Variants in NPAS3 observed in about 807,000 individuals in gnomAD.
NPAS3 encodes the protein neuronal PAS domain protein 3.
NPAS3 carries 14 observed loss-of-function variants against 73.1 expected under a neutral mutation model. The observed-to-expected ratio is 0.19, with a 90% CI of 0.13 to 0.30. The LOEUF (loss-of-function observed/expected upper bound fraction) is 0.30, where lower values mean the gene tolerates loss of function less well. Among genes scored for constraint, NPAS3 ranks in the 10% least tolerant of loss-of-function variants. The pLI, the probability that NPAS3 is intolerant of heterozygous loss-of-function variation, is 1.00. For missense variants in NPAS3, 1,096 were observed against 1,250.0 expected, an observed-to-expected ratio of 0.88 and a Z score of 1.86; for synonymous variants, 620 against 541.5, an observed-to-expected ratio of 1.14 and a Z score of -2.01.
At chr14:33,147,730 A>AAAAAATATATAT (rs372663411) in intron 2 of NPAS3, among the ~76,000 whole-genome samples, 167 of 130,344 alleles carry the variant, frequency 1.3e-3, no homozygotes, top group African/African-American at 5.1e-3. Flanking sequence ...TAGAATAAAA[A>AAAAAATATATAT]ATATATATAT....
chr14:33,347,383 C>G, intron 3 of NPAS3, among the ~76,000 whole-genome samples: 1 of 152,166 alleles, frequency 6.6e-6, no homozygotes, highest in East Asian at 1.9e-4. Flanking sequence ...GAATAGTCAT[C>G]ACAAATTAAA....
At chr14:33,390,359 G>A (rs1195513279) in intron 4 of NPAS3, among the ~76,000 whole-genome samples, 1 of 152,166 alleles carries the variant, frequency 6.6e-6, no homozygotes, top group African/African-American at 2.4e-5. Flanking sequence ...AAAAACAGCA[G>A]TCTGAGAGAA....
At chr14:32,938,457 A>AAGAGAGAGAGAGAGAGAGAGAG (rs139406191), upstream of NPAS3, among the ~76,000 whole-genome samples, 1 of 68,634 alleles carries the variant, frequency 1.5e-5, no homozygotes, top group African/African-American at 6.6e-5. Flanking sequence ...CCCAACGAGA[A>AAGAGAGAGAGAGAGAGAGAGAG]AGAGAGAGAG....
chr14:33,280,818 T>C (rs763126843), intron 3 of NPAS3, among the ~76,000 whole-genome samples: 5 of 152,086 alleles, frequency 3.3e-5, no homozygotes, highest in Non-Finnish European at 5.9e-5. Flanking sequence ...TGGTTGGGGG[T>C]GAGTCACCAC....
chr14:33,234,222 T>A (rs2047951720), intron 3 of NPAS3, among the ~76,000 whole-genome samples: 1 of 152,136 alleles, frequency 6.6e-6, no homozygotes, highest in African/African-American at 2.4e-5. Flanking sequence ...AACAAGATAT[T>A]CTTCAGGTAA....
intron 3 of NPAS3, among the ~76,000 whole-genome samples, chr14:33,318,365 T>C (rs2043294151): frequency 6.6e-6 from 1 of 152,114 alleles, no homozygotes; most frequent in East Asian, 1.9e-4. Context: ...GGAATTGTCA[T>C]TTAAAGTGTA....
intron 6 of NPAS3, among the ~76,000 whole-genome samples, chr14:33,690,871 T>TAAAAA (rs11361786): frequency 1.4e-5 from 2 of 142,204 alleles, no homozygotes; most frequent in African/African-American, 2.6e-5. Flanking sequence ...TAAAATTTGT[T>TAAAAA]AAAAAAAAAA....
At chr14:33,198,488 T>G (rs2046469671) in intron 2 of NPAS3, among the ~76,000 whole-genome samples, 1 of 152,126 alleles carries the variant, frequency 6.6e-6, no homozygotes, top group South Asian at 2.1e-4. Flanking sequence ...CTCCAAGTCC[T>G]CACCAGATTA....
At chr14:33,135,802 T>C (rs2043809748) in intron 2 of NPAS3, among the ~76,000 whole-genome samples, 1 of 152,140 alleles carries the variant, frequency 6.6e-6, no homozygotes, top group Non-Finnish European at 1.5e-5. Context: ...TTAAAATGAA[T>C]GAGCTCAGCC....
At chr14:33,226,066 A>G (rs918957255) in intron 3 of NPAS3, among the ~76,000 whole-genome samples, 7 of 152,208 alleles carry the variant, frequency 4.6e-5, no homozygotes, top group African/African-American at 1.7e-4. Context: ...CCATAGATGT[A>G]TATGCATTGT....
chr14:32,965,821 A>G (rs890790398), intron 1 of NPAS3, among the ~76,000 whole-genome samples: 1 of 152,240 alleles, frequency 6.6e-6, no homozygotes, highest in Admixed American at 6.5e-5. Flanking sequence ...TACAGACGCC[A>G]TTTAAAAATA....
intron 6 of NPAS3, among the ~76,000 whole-genome samples, chr14:33,727,048 GT>G (rs2061287102): frequency 6.6e-6 from 1 of 152,140 alleles, no homozygotes; most frequent in Non-Finnish European, 1.5e-5. Flanking sequence ...ATGCATGTGT[GT>G]GTGTTTGCAA....
At chr14:33,547,536 G>A (rs967515755) in intron 4 of NPAS3, among the ~76,000 whole-genome samples, 14 of 152,126 alleles carry the variant, frequency 9.2e-5, no homozygotes, top group African/African-American at 2.9e-4. Flanking sequence ...TAGGATTTAC[G>A]GGAACATTGG....
At chr14:33,069,929 T>C (rs1303875704) in intron 2 of NPAS3, among the ~76,000 whole-genome samples, 2 of 152,172 alleles carry the variant, frequency 1.3e-5, no homozygotes, top group African/African-American at 4.8e-5. Context: ...AATTGCATTG[T>C]GATTAGTCTG....
At chr14:33,082,428 C>T (rs1241289435) in intron 2 of NPAS3, among the ~76,000 whole-genome samples, 3 of 152,188 alleles carry the variant, frequency 2.0e-5, no homozygotes, top group Non-Finnish European at 2.9e-5. Flanking sequence ...ATTTTGCTGA[C>T]TCTGTCCAGT....
exon 9 of NPAS3, chr14:33,778,524 T>C: frequency 6.2e-7 from 1 of 1,614,030 alleles, no homozygotes. Context: ...ATGCTACCAC[T>C]TCATCCATGC....
At chr14:33,606,145 A>C (rs1387441589) in intron 5 of NPAS3, among the ~76,000 whole-genome samples, 1 of 151,744 alleles carries the variant, frequency 6.6e-6, no homozygotes, top group East Asian at 1.9e-4. Context: ...ATACGTATAC[A>C]TGTGCCATGC....
chr14:33,404,058 G>A (rs555489954), intron 4 of NPAS3, among the ~76,000 whole-genome samples: 6 of 152,282 alleles, frequency 3.9e-5, no homozygotes, highest in African/African-American at 1.2e-4. Flanking sequence ...AGGTACCTGG[G>A]AAGTGGGGGA....
chr14:33,255,796 T>A lies in NPAS3; in HGVS notation c.385+40370T>A, dbSNP rs138885421. On this transcript the variant is annotated intron_variant, in intron 3 of 11. Transcript: ENST00000356141. Reference sequence around the variant, plus strand: ...ATGTCTTTCACTAGATGCCAGCAATTAGATGGAATTTATTGAGGATTGATG... The same window carrying A: ...ATGTCTTTCACTAGATGCCAGCAATAAGATGGAATTTATTGAGGATTGATG... Among the ~76,000 whole-genome samples the A allele has an allele frequency of 5.6e-3, 851 of 152,248 alleles. 6 individuals carry two copies. Among genetic ancestry groups the A allele is most frequent in the African/African-American group, 0.019 (790 of 41,528 alleles).
Sources: allele counts gnomAD v4.1 joint callset (sites outside exome capture counted in the v4.1 genomes callset), GRCh38; gene constraint gnomAD v4.1.1; transcripts MANE v1.5; gene names NCBI Gene and HGNC (gene_info 2026-07-23, HGNC 2026-07-21).